CACNA2D3: variants seen among roughly 807,000 people sequenced by gnomAD.
The protein encoded by CACNA2D3 is calcium voltage-gated channel auxiliary subunit alpha2delta 3.
In CACNA2D3, 60 loss-of-function variants were observed where a neutral mutation model predicts 160.6. That is an observed-to-expected ratio of 0.37 (90% CI 0.30 to 0.46). The LOEUF (loss-of-function observed/expected upper bound fraction) is 0.46, where lower values mean the gene tolerates loss of function less well. CACNA2D3 is among the 20% of genes least tolerant of loss of function. The pLI is 1.00. For missense variants in CACNA2D3, 1,205 were observed against 1,365.0 expected (o/e 0.88, Z 1.85); for synonymous variants, 558 against 492.9 (o/e 1.13, Z -1.75).
intron 27 of CACNA2D3, among the ~76,000 whole-genome samples, chr3:54,963,038 C>T (rs1702068356): frequency 6.6e-6 from 1 of 152,140 alleles, no homozygotes; most frequent in South Asian, 2.1e-4. Flanking sequence ...GAGATGCATG[C>T]ATGATTTCAT....
chr3:54,253,090 C>T (rs371223571), intron 2 of CACNA2D3, among the ~76,000 whole-genome samples: 4 of 147,960 alleles, frequency 2.7e-5, no homozygotes, highest in Admixed American at 2.1e-4. Flanking sequence ...TCAAAACTGC[C>T]CTGAGTTTAA....
chr3:54,912,295 G>A (rs772781480), intron 27 of CACNA2D3, among the ~76,000 whole-genome samples: 11 of 152,102 alleles, frequency 7.2e-5, no homozygotes, highest in African/African-American at 1.9e-4. Context: ...TGTTTGAAGC[G>A]AGTCACTAGG....
intron 3 of CACNA2D3, among the ~76,000 whole-genome samples, chr3:54,344,489 GA>G (rs1365905194): frequency 6.6e-6 from 1 of 152,206 alleles, no homozygotes; most frequent in African/African-American, 2.4e-5. Context: ...CTGGCAACGA[GA>G]AATCATTTAT....
chr3:54,423,506 G>A (rs2106755971), intron 4 of CACNA2D3, among the ~76,000 whole-genome samples: 1 of 152,288 alleles, frequency 6.6e-6, no homozygotes, highest in East Asian at 1.9e-4. Context: ...GATTCGCTAT[G>A]CTCTGAATTC....
intron 2 of CACNA2D3, among the ~76,000 whole-genome samples, chr3:54,294,800 C>A (rs1039718908): frequency 6.6e-6 from 1 of 152,146 alleles, no homozygotes; most frequent in African/African-American, 2.4e-5. Flanking sequence ...AGGCAGCAGA[C>A]CTGCTGTGGA....
rs1284240747 is a variant in CACNA2D3 at position 55,064,816 on chromosome 3, A to AT, written c.2988-8627dup. 4.6e-5 allele frequency among the ~76,000 whole-genome samples: 7 copies of AT among 152,258 alleles called. No homozygotes were observed. The South Asian group carries it at 1.2e-3, about 27-fold the overall frequency. On this transcript the variant is annotated intron_variant, in intron 35 of 37. Transcript: ENST00000474759. Reference sequence around the variant, plus strand: ...TCAGGGAGGAAGATGTTCAGAGTTCATTGGAGATCTCTGGCTGTGTGACTG... The same window carrying AT: ...TCAGGGAGGAAGATGTTCAGAGTTCATTTGGAGATCTCTGGCTGTGTGACTG...
rs1701881193 is a variant in CACNA2D3, at chr3:54,535,861, G to C, written c.545-26939G>C. Reference sequence around the variant, plus strand: ...ATTATGTCTGATGTGACTAGAGCCTGTGCTGGTCAATTTGTCAGTGTCAGC... The same window carrying C: ...ATTATGTCTGATGTGACTAGAGCCTCTGCTGGTCAATTTGTCAGTGTCAGC... On this transcript the variant is annotated intron_variant, in intron 5 of 37. Coordinates refer to ENST00000474759, the MANE Select transcript of CACNA2D3 (RefSeq NM_018398.3). Among the ~76,000 whole-genome samples, 2 of 152,220 alleles carry C rather than the reference G, an allele frequency of 1.3e-5. 1 individual carries two copies. Among genetic ancestry groups the C allele is most frequent in the South Asian group, 4.1e-4 (2 of 4,838 alleles).
intron 2 of CACNA2D3, among the ~76,000 whole-genome samples, chr3:54,313,633 C>T (rs1189522154): frequency 6.6e-6 from 1 of 152,124 alleles, no homozygotes; most frequent in Non-Finnish European, 1.5e-5. Flanking sequence ...CATCCATGCT[C>T]CAGTGCAGTG....
At chr3:54,495,782 C>T (rs1466274414) in intron 4 of CACNA2D3, among the ~76,000 whole-genome samples, 1 of 152,096 alleles carries the variant, frequency 6.6e-6, no homozygotes, top group Admixed American at 6.5e-5. Context: ...GGGAAATTTC[C>T]AGGACTCCAG....
chr3:54,852,086 G>A (rs1441735164), intron 17 of CACNA2D3, among the ~76,000 whole-genome samples: 1 of 152,220 alleles, frequency 6.6e-6, no homozygotes, highest in Non-Finnish European at 1.5e-5. Context: ...TGCCATCCTG[G>A]AAGTCTGGGC....
At chr3:54,128,627 TCTC>T (rs1699646046) in intron 2 of CACNA2D3, among the ~76,000 whole-genome samples, 1 of 152,136 alleles carries the variant, frequency 6.6e-6, no homozygotes, top group East Asian at 1.9e-4. Context: ...CCCCAGCACA[TCTC>T]CTCTGTCAGA....
intron 2 of CACNA2D3, among the ~76,000 whole-genome samples, chr3:54,260,056 C>T (rs945643857): frequency 3.3e-5 from 5 of 152,184 alleles, no homozygotes; most frequent in Non-Finnish European, 7.3e-5. Flanking sequence ...TGTTTATAGA[C>T]GTGGAGTCAG....
At chr3:54,434,144 TG>T (rs749578707) in intron 4 of CACNA2D3, among the ~76,000 whole-genome samples, 8 of 152,286 alleles carry the variant, frequency 5.3e-5, no homozygotes, top group Middle Eastern at 3.4e-3. Flanking sequence ...GTACTGTCAG[TG>T]GGGGCCACTA....
At chr3:55,022,165 A>G (rs1274159595) in intron 35 of CACNA2D3, among the ~76,000 whole-genome samples, 3 of 152,016 alleles carry the variant, frequency 2.0e-5, no homozygotes, top group Non-Finnish European at 1.5e-5. Context: ...ATCCCTGTTC[A>G]TGATTATTAT....
intron 2 of CACNA2D3, among the ~76,000 whole-genome samples, chr3:54,315,836 C>T (rs1420428465): frequency 2.0e-5 from 3 of 152,270 alleles, no homozygotes; most frequent in South Asian, 4.2e-4. Flanking sequence ...GAAGACATGT[C>T]GCTTAACTAC....
In CACNA2D3 at chr3:54,869,630, C is replaced by G. The variant is rs61293091; in HGVS notation, c.1627-1909C>G. Among the ~76,000 whole-genome samples, 876 of 152,268 alleles carry G rather than the reference C, an allele frequency of 5.8e-3. 5 individuals carry two copies. Among genetic ancestry groups the G allele is most frequent in the African/African-American group, 0.02 (845 of 41,544 alleles). On this transcript the variant is annotated intron_variant, in intron 17 of 37. Coordinates refer to ENST00000474759, the MANE Select transcript of CACNA2D3 (RefSeq NM_018398.3). ...TGGGCTGTGTGAGTTTCTGGGGTAC[C>G]TAATAGTTCTCAGTAATGGTTCTTA...
chr3:54,518,480 C>T (rs778066243), intron 5 of CACNA2D3, among the ~76,000 whole-genome samples: 5 of 152,162 alleles, frequency 3.3e-5, no homozygotes, highest in Non-Finnish European at 7.4e-5. Flanking sequence ...AGAGTCCTGG[C>T]GTCTTCTTCA....
At chr3:54,241,418 G>A (rs1174495621) in intron 2 of CACNA2D3, among the ~76,000 whole-genome samples, 1 of 152,190 alleles carries the variant, frequency 6.6e-6, no homozygotes, top group Non-Finnish European at 1.5e-5. Context: ...GCTAGGTGGA[G>A]CTGGGATTCA....
intron 10 of CACNA2D3, chr3:54,632,810 G>A (rs1335076689): frequency 2.0e-5 from 3 of 152,118 alleles, no homozygotes; most frequent in Non-Finnish European, 2.9e-5. Flanking sequence ...AGAAGTTCCT[G>A]GAATAAGCAA....
Sources: allele counts gnomAD v4.1 joint callset (sites outside exome capture counted in the v4.1 genomes callset), GRCh38; gene constraint gnomAD v4.1.1; transcripts MANE v1.5; gene names NCBI Gene and HGNC (gene_info 2026-07-23, HGNC 2026-07-21).